The following DLG2 variants were observed in gnomAD, a reference collection of about 807,000 sequenced individuals.
DLG2 encodes the protein discs large MAGUK scaffold protein 2.
DLG2 carries 45 observed loss-of-function variants against 132.5 expected under a neutral mutation model. The ratio of observed to expected loss-of-function variants is 0.34; its 90% confidence interval spans 0.27 to 0.44. The LOEUF is 0.44. Among genes scored for constraint, DLG2 ranks in the 20% least tolerant of loss-of-function variants. The probability of loss-of-function intolerance (pLI) is 1.00; values close to 1 mark genes in which losing one functional copy is unlikely to be tolerated. For synonymous variants in DLG2, 424 were observed against 419.6 expected, an observed-to-expected ratio of 1.01 and a Z score of -0.13; for missense variants, 1,045 against 1,196.9, an observed-to-expected ratio of 0.87 and a Z score of 1.87.
chr11:83,993,466 C>A (rs1052170525), intron 11 of DLG2, among the ~76,000 whole-genome samples: 2 of 152,066 alleles, frequency 1.3e-5, no homozygotes, highest in African/African-American at 2.4e-5. Context: ...CTTCCCTAAA[C>A]GAACATTAAA....
intron 3 of DLG2, among the ~76,000 whole-genome samples, chr11:85,352,918 T>C (rs1214868241): frequency 6.6e-6 from 1 of 152,164 alleles, no homozygotes; most frequent in East Asian, 1.9e-4. Flanking sequence ...ATTCAGGACA[T>C]AGGCATGTGC....
chr11:85,315,936 G>T (rs574977780), intron 3 of DLG2, among the ~76,000 whole-genome samples: 1 of 152,066 alleles, frequency 6.6e-6, no homozygotes, highest in South Asian at 2.1e-4. Context: ...CCCAATCACA[G>T]GGTGAAAGGT....
At chr11:83,786,391 A>C in intron 18 of DLG2, 1 of 305,338 alleles carries the variant, frequency 3.3e-6, no homozygotes, top group Non-Finnish European at 6.3e-6. Context: ...TACAGTATCC[A>C]TTGGTGACCG....
intron 7 of DLG2, among the ~76,000 whole-genome samples, chr11:84,493,844 C>A (rs1323148702): frequency 6.6e-6 from 1 of 152,166 alleles, no homozygotes; most frequent in Non-Finnish European, 1.5e-5. Flanking sequence ...TGATACTTCA[C>A]ATCTCTTCAA....
intron 3 of DLG2, among the ~76,000 whole-genome samples, chr11:85,366,764 T>C (rs1439653696): frequency 6.6e-6 from 1 of 152,168 alleles, no homozygotes; most frequent in African/African-American, 2.4e-5. Context: ...ATTTATTTTC[T>C]TCCCACCAAC....
rs568587537 is a variant in DLG2, at chr11:84,265,323, T to A, written c.520-14032A>T. Among the ~76,000 whole-genome samples, 4 of 152,310 alleles carry A rather than the reference T, an allele frequency of 2.6e-5. No individual in the cohort carries two copies. The South Asian group carries it at 6.2e-4, about 24-fold the overall frequency. ...CACTGTGTTAAGAGTTCAATTCACA[T>A]GATTTTGTTAGACTTCGAACAATGC... On this transcript the variant is annotated intron_variant, in intron 7 of 27. Coordinates refer to ENST00000376104, the MANE Select transcript of DLG2 (RefSeq NM_001142699.3).
rs561373896 is a variant in DLG2, at chr11:84,147,297, C to G, written c.624+16164G>C. Among the ~76,000 whole-genome samples, 10 of 152,236 alleles carry G rather than the reference C, an allele frequency of 6.6e-5. No homozygotes were observed. In the East Asian group the frequency reaches 1.9e-3, roughly 29 times the overall value. On this transcript the variant is annotated intron_variant, in intron 9 of 27. Coordinates refer to ENST00000376104, the MANE Select transcript of DLG2 (RefSeq NM_001142699.3). ...CAAATCAACTGTGTGACCAGGGGTA[C>G]TATGACTGCATTCTTTCCCAGAATC...
intron 16 of DLG2, among the ~76,000 whole-genome samples, chr11:83,868,723 TAAAA>T (rs138227055): frequency 0.022 from 3,263 of 150,332 alleles, 137 homozygotes; most frequent in African/African-American, 0.075. Context: ...ACTAACAGCT[TAAAA>T]AAAAAATCTC....
intron 6 of DLG2, among the ~76,000 whole-genome samples, chr11:84,566,911 T>C (rs775021221): frequency 1.3e-5 from 2 of 152,204 alleles, no homozygotes; most frequent in African/African-American, 2.4e-5. Context: ...CTTCCTGTTT[T>C]TCTTAATTAT....
intron 4 of DLG2, among the ~76,000 whole-genome samples, chr11:85,158,272 C>T (rs1433686693): frequency 6.6e-6 from 1 of 152,110 alleles, no homozygotes; most frequent in Non-Finnish European, 1.5e-5. Flanking sequence ...GATCCGGCCC[C>T]ACTAAGTAGG....
chr11:84,675,776 A>C (rs1479630828), intron 6 of DLG2, among the ~76,000 whole-genome samples: 1 of 152,070 alleles, frequency 6.6e-6, no homozygotes, highest in East Asian at 1.9e-4. Context: ...TACACCGAGG[A>C]GGACTGAATT....
chr11:84,220,645 A>G (rs924856736), intron 8 of DLG2, among the ~76,000 whole-genome samples: 1 of 152,186 alleles, frequency 6.6e-6, no homozygotes, highest in Non-Finnish European at 1.5e-5. Context: ...AATGAAAGAG[A>G]AATAAAAGCT....
intron 3 of DLG2, among the ~76,000 whole-genome samples, chr11:85,450,933 T>C (rs1182406642): frequency 6.6e-6 from 1 of 152,092 alleles, no homozygotes; most frequent in Non-Finnish European, 1.5e-5. Flanking sequence ...CAGAGCTTGT[T>C]TCTAATCATC....
chr11:84,856,672 T>G (rs999713815), intron 6 of DLG2, among the ~76,000 whole-genome samples: 8 of 152,068 alleles, frequency 5.3e-5, no homozygotes, highest in Admixed American at 2.0e-4. Flanking sequence ...GTATTCTAAA[T>G]TGAAAATCAG....
chr11:85,459,717 G>A (rs1466446616), intron 3 of DLG2, among the ~76,000 whole-genome samples: 1 of 152,138 alleles, frequency 6.6e-6, no homozygotes, highest in Non-Finnish European at 1.5e-5. Flanking sequence ...GAGTGGTTAG[G>A]GTGATACCAC....
chr11:84,612,431 T>C (rs11827152), intron 6 of DLG2, among the ~76,000 whole-genome samples: 8,990 of 152,196 alleles, frequency 0.059, 298 homozygotes, highest in South Asian at 0.077. Context: ...TACGCATTCA[T>C]TTCTCTTCAG....
rs139861955 is a variant in DLG2, at chr11:83,624,194, C to T, written c.1940+9017G>A. ...TCTGGATGAATCAATTAATGACAGG[C>T]CAACCATTAACAGTAATGAGATCTG... On this transcript the variant is annotated intron_variant, in intron 19 of 27. Transcript: ENST00000376104. 2.7e-3 allele frequency among the ~76,000 whole-genome samples: 411 copies of T among 152,206 alleles called. 2 individuals are homozygous for T. Among genetic ancestry groups the T allele is most frequent in the African/African-American group, 9.1e-3 (380 of 41,534 alleles).
intron 11 of DLG2, among the ~76,000 whole-genome samples, chr11:84,037,057 A>G (rs1446992427): frequency 6.6e-6 from 1 of 152,152 alleles, no homozygotes; most frequent in Non-Finnish European, 1.5e-5. Context: ...AATACATATG[A>G]CAGATAAGCA....
chr11:85,573,189 C>A (rs1342156205), intron 3 of DLG2, among the ~76,000 whole-genome samples: 1 of 152,074 alleles, frequency 6.6e-6, no homozygotes, highest in Non-Finnish European at 1.5e-5. Context: ...GAACCATAAA[C>A]CAATTAAATC....
Sources: gnomAD v4.1 joint callset for allele counts (sites outside exome capture counted in the v4.1 genomes callset) on GRCh38, gnomAD v4.1.1 for gene constraint, MANE v1.5 for transcripts, NCBI Gene and HGNC (gene_info 2026-07-23, HGNC 2026-07-21) for gene names.